The following CCDC39 variants were observed in gnomAD, a reference collection of about 807,000 sequenced individuals.
CCDC39 encodes the protein coiled-coil domain-containing protein 39.
A neutral mutation model predicts 121.0 loss-of-function variants in CCDC39; 113 were observed. The observed-to-expected ratio is 0.93, with a 90% CI of 0.80 to 1.09. CCDC39 has a LOEUF of 1.09. CCDC39 is among the 50% of genes least tolerant of loss of function. The pLI, the probability that CCDC39 is intolerant of heterozygous loss-of-function variation, is 0.00. For synonymous variants in CCDC39, 349 were observed against 352.2 expected, an observed-to-expected ratio of 0.99 and a Z score of 0.10; for missense variants, 1,063 against 1,074.7, an observed-to-expected ratio of 0.99 and a Z score of 0.15.
intron 14 of CCDC39, among the ~76,000 whole-genome samples, chr3:180,627,471 A>G (rs1717591428): frequency 6.6e-6 from 1 of 152,202 alleles, no homozygotes; most frequent in Admixed American, 6.5e-5. Context: ...AATTCCTGAT[A>G]TAATTCCATG....
intron 14 of CCDC39, 21 bp downstream of exon 14, chr3:180,631,448 C>G: frequency 6.3e-7 from 1 of 1,588,246 alleles, no homozygotes; most frequent in Non-Finnish European, 8.5e-7. Context: ...ACCATCACAA[C>G]TGTGAATCAA....
At chr3:180,652,074 T>C in intron 8 of CCDC39, 89 bp downstream of exon 8, 2 of 783,916 alleles carry the variant, frequency 2.6e-6, no homozygotes, top group Non-Finnish European at 4.0e-6. Context: ...ATTGCAATTA[T>C]TTAAACAACA....
intron 14 of CCDC39, 41 bp downstream of exon 14, chr3:180,631,428 A>C (rs746633484): frequency 1.9e-6 from 3 of 1,543,128 alleles, no homozygotes; most frequent in Admixed American, 3.8e-5. Context: ...GTTAACAAAG[A>C]AAATTTCATA....
At position 180,616,517 on chromosome 3, in the gene CCDC39, T is replaced by G; in HGVS notation, c.2585A>C (p.Gln862Pro). The change falls in exon 18 of 20, where the codon CAG becomes CCG. Residue 862 changes from glutamine to proline, a missense_variant and splice_region_variant. Coordinates refer to ENST00000476379, the MANE Select transcript of CCDC39 (RefSeq NM_181426.2). ...ATTTAATAGAAGGTGCTGTATTACC[T>G]GTTGAAAGTATGTTTGAAGGATAAT... ...IRIILQTYFQ[Q>P]SGLELPTAST... is the part of the protein sequence containing the mutation. 6.5e-7 allele frequency: 1 copy of G among 1,542,738 alleles called. No individual in the cohort carries two copies. The highest frequency in any genetic ancestry group is 8.7e-7 in the Non-Finnish European group (1 of 1,146,244).
At chr3:180,641,088 T>C (rs1268551787) in intron 13 of CCDC39, among the ~76,000 whole-genome samples, 2 of 152,066 alleles carry the variant, frequency 1.3e-5, no homozygotes, top group Non-Finnish European at 2.9e-5. Context: ...AACAGACAAG[T>C]TGGGTTTATT....
chr3:180,674,193 C>T (rs995304596), intron 1 of CCDC39, among the ~76,000 whole-genome samples: 2 of 152,142 alleles, frequency 1.3e-5, no homozygotes, highest in African/African-American at 4.8e-5. Context: ...AGGTCTTTCA[C>T]ATCCCTTGTA....
intron 1 of CCDC39, among the ~76,000 whole-genome samples, chr3:180,674,988 G>T (rs1712152048): frequency 6.6e-6 from 1 of 152,308 alleles, no homozygotes; most frequent in Admixed American, 6.5e-5. Flanking sequence ...GATGATGCTG[G>T]CCTCATAGAA....
chr3:180,619,320 G>T lies in CCDC39; in HGVS notation c.2204C>A (p.Ala735Asp). 6.5e-7 allele frequency: 1 copy of T among 1,544,626 alleles called. No homozygotes were observed. The highest frequency in any genetic ancestry group is 8.8e-7 in the Non-Finnish European group (1 of 1,141,598). The change falls in exon 16 of 20, where the codon GCT (alanine) becomes GAT (aspartate). Residue 735 changes from alanine to aspartate, a missense_variant. Transcript: ENST00000476379. ...TTTGTATCTGTATTTTTCATCAACAGCTCTTTTTTGTTCTTCTAGTTGAAT... is the reference window on the plus strand; with the variant it reads ...TTTGTATCTGTATTTTTCATCAACATCTCTTTTTTGTTCTTCTAGTTGAAT... ...LKIQLEEQKR[A>D]VDEKYRYKQR...
rs1279745014 is a variant in CCDC39, at chr3:180,652,089, G to A, written c.1034+74C>T. ...ATTGCAATTATTTAAACAACAAATAGTCTTAAGTATTTAATAATTTTCTAG... is the reference window on the plus strand; with the variant it reads ...ATTGCAATTATTTAAACAACAAATAATCTTAAGTATTTAATAATTTTCTAG... On this transcript the variant is annotated intron_variant, in intron 8 of 19. Transcript: ENST00000476379. The A allele has an allele frequency of 6.1e-6, 5 of 820,526 alleles. No individual in the cohort carries two copies. In the African/African-American group the frequency reaches 9.1e-5, roughly 15 times the overall value. 50.8% of individuals were successfully genotyped at this position (820,526 alleles called of 1,614,324 possible).
chr3:180,655,460 T>C (rs1576947583), intron 6 of CCDC39, among the ~76,000 whole-genome samples: 1 of 151,416 alleles, frequency 6.6e-6, no homozygotes, highest in East Asian at 1.9e-4. Context: ...CAAAGTACCA[T>C]GGGAACAAAG....
chr3:180,637,650 T>G (rs1717863196), intron 13 of CCDC39, among the ~76,000 whole-genome samples: 1 of 152,224 alleles, frequency 6.6e-6, no homozygotes, highest in African/African-American at 2.4e-5. Flanking sequence ...GTAGCACTAT[T>G]CACAGTAGCA....
rs573666750 is a variant in CCDC39 at position 180,674,096 on chromosome 3, C to T, written c.90+5195G>A. 6.6e-5 allele frequency among the ~76,000 whole-genome samples: 10 copies of T among 152,142 alleles called. No individual in the cohort carries two copies. The South Asian group carries it at 1.9e-3, about 28-fold the overall frequency. On this transcript the variant is annotated intron_variant, in intron 1 of 19. Transcript: ENST00000476379. ...TATGGCCATTTTCACGATATTGATT[C>T]TTCCTATTCATGAGCATGGAATGTT...
intron 14 of CCDC39, among the ~76,000 whole-genome samples, chr3:180,622,874 C>G (rs1484338847): frequency 6.6e-6 from 1 of 151,522 alleles, no homozygotes; most frequent in Non-Finnish European, 1.5e-5. Context: ...ATTGATTTAT[C>G]GTTTTCTTTT....
chr3:180,659,810 T>C (rs1560092229), intron 4 of CCDC39, 41 bp from the exon 5 acceptor site: 2 of 1,343,380 alleles, frequency 1.5e-6, no homozygotes, highest in Non-Finnish European at 2.1e-6. Flanking sequence ...ATTCTCATTC[T>C]ATTAATTTAA....
Position 180,614,178 on chromosome 3 carries a change from C to G in CCDC39, c.*743G>C, listed in dbSNP as rs1184457491. 1 of 162,824 alleles carries G rather than the reference C, an allele frequency of 6.1e-6. No individual in the cohort carries two copies. The highest frequency in any genetic ancestry group is 2.4e-5 in the African/African-American group (1 of 41,522). The allele number at this position is 162,824 out of a possible 1,614,324, so 10.1% of individuals were successfully genotyped here. ...ATTTCTATTGCAAATCAAGTCATACCTAGCTTTCATTAAATCGTTTATTAA... is the reference window on the plus strand; with the variant it reads ...ATTTCTATTGCAAATCAAGTCATACGTAGCTTTCATTAAATCGTTTATTAA... On this transcript the variant is annotated 3_prime_UTR_variant, in exon 20 of 20. Transcript: ENST00000476379.
rs1371272001 is a variant in CCDC39 at position 180,614,342 on chromosome 3, T to C, written c.*579A>G. 2.8e-5 allele frequency: 4 copies of C among 142,334 alleles called. No individual in the cohort carries two copies. Among genetic ancestry groups the C allele is most frequent in the Non-Finnish European group, 6.1e-5 (4 of 65,902 alleles). 8.8% of individuals were successfully genotyped at this position (142,334 alleles called of 1,614,324 possible). A position where few individuals can be genotyped will look rare whatever the true frequency, so the allele number is the denominator to read the frequency against. ...CTAAATTTATGCTGCATTTTAAAAT[T>C]GATATACAGTGTTTCTCTTACCGGT... On this transcript the variant is annotated 3_prime_UTR_variant, in exon 20 of 20. Transcript: ENST00000476379.
intron 13 of CCDC39, among the ~76,000 whole-genome samples, chr3:180,636,693 G>A (rs997151738): frequency 1.3e-5 from 2 of 152,096 alleles, no homozygotes; most frequent in African/African-American, 4.8e-5. Context: ...ACACTACAGG[G>A]CTACAGTAAT....
At chr3:180,646,720 G>A (rs1316243671) in intron 11 of CCDC39, among the ~76,000 whole-genome samples, 1 of 152,056 alleles carries the variant, frequency 6.6e-6, no homozygotes, top group Non-Finnish European at 1.5e-5. Flanking sequence ...CTCTTGAAGA[G>A]TATTTAGAAG....
chr3:180,623,504 T>G (rs1359672243), intron 14 of CCDC39, among the ~76,000 whole-genome samples: 1 of 151,752 alleles, frequency 6.6e-6, no homozygotes, highest in Non-Finnish European at 1.5e-5. Flanking sequence ...TTTGGTTTTG[T>G]TTTTTTTCTT....
Sources: gnomAD v4.1 joint callset for allele counts (sites outside exome capture counted in the v4.1 genomes callset) on GRCh38, gnomAD v4.1.1 for gene constraint, MANE v1.5 for transcripts, NCBI Gene and HGNC (gene_info 2026-07-23, HGNC 2026-07-21) for gene names.